HMGCLL1: variants seen among roughly 807,000 people sequenced by gnomAD.
HMGCLL1 encodes 3-hydroxy-3-methylglutaryl-CoA lyase like 1, also known as 3-hydroxymethyl-3-methylglutaryl-CoA lyase, cytoplasmic.
Under a neutral mutation model 39.1 loss-of-function variants are expected in HMGCLL1, and 36 were observed. The ratio of observed to expected loss-of-function variants is 0.92; its 90% confidence interval spans 0.71 to 1.22. HMGCLL1 has a LOEUF of 1.22. HMGCLL1 is among the 50% of genes most tolerant of loss of function. HMGCLL1 has a pLI of 0.00. For synonymous variants in HMGCLL1, 149 were observed against 144.0 expected, an observed-to-expected ratio of 1.03 and a Z score of -0.25; for missense variants, 451 against 416.5, an observed-to-expected ratio of 1.08 and a Z score of -0.72.
intron 7 of HMGCLL1, among the ~76,000 whole-genome samples, chr6:55,446,081 T>C (rs992824572): frequency 6.6e-6 from 1 of 151,880 alleles, no homozygotes; most frequent in African/African-American, 2.4e-5. Flanking sequence ...GGACTTGGAA[T>C]AAATAAAAGT....
chr6:55,620,622 G>T, the HMGCLL1 span, among the ~76,000 whole-genome samples: 2 of 146,534 alleles, frequency 1.4e-5, no homozygotes, highest in African/African-American at 4.9e-5. Context: ...TGCTTTTGGG[G>T]TGTTACACAC....
the HMGCLL1 span, among the ~76,000 whole-genome samples, chr6:55,671,635 A>C: frequency 6.6e-6 from 1 of 151,804 alleles, no homozygotes; most frequent in Admixed American, 6.6e-5. Context: ...TAAATGTTGG[A>C]GGTTCTATCA....
chr6:55,657,728 T>C, the HMGCLL1 span, among the ~76,000 whole-genome samples: 1 of 151,938 alleles, frequency 6.6e-6, no homozygotes, highest in Non-Finnish European at 1.5e-5. Flanking sequence ...TATGCAGCCA[T>C]AAAAAAGAAC....
intron 6 of HMGCLL1, 128 bp from the exon 7 acceptor site, chr6:55,495,735 T>C (rs1766542595): frequency 3.6e-6 from 2 of 552,954 alleles, no homozygotes. Context: ...GAAAAATATA[T>C]AATGTATTTT....
In HMGCLL1 at chr6:55,543,141, TTATATATTA is replaced by T. The variant is rs1400000369; in HGVS notation, c.109-1010_109-1002del. 2.0e-3 allele frequency among the ~76,000 whole-genome samples: 13 copies of T among 6,424 alleles called. 3 individuals carry two copies. The highest frequency in any genetic ancestry group is 3.0e-3 in the African/African-American group (7 of 2,328). The allele number at this position is 6,424 out of a possible 152,430, so 4.2% of individuals were successfully genotyped here. A position where few individuals can be genotyped will look rare whatever the true frequency, so the allele number is the denominator to read the frequency against. Reference sequence around the variant, plus strand: ...TAATATATATCATATATATGATATATTATATATTATATATATTATATATATAATATATAA... The same window carrying T: ...TAATATATATCATATATATGATATATTATATATTATATATATAATATATAA... On this transcript the variant is annotated intron_variant, in intron 1 of 8. Coordinates refer to ENST00000274901, the MANE Select transcript of HMGCLL1 (RefSeq NM_001042406.2).
chr6:55,587,393 G>T, the HMGCLL1 span, among the ~76,000 whole-genome samples: 1 of 151,954 alleles, frequency 6.6e-6, no homozygotes, highest in East Asian at 1.9e-4. Context: ...CACCAGGCCT[G>T]CCTTACAACA....
At chr6:55,643,106 G>A in the HMGCLL1 span, among the ~76,000 whole-genome samples, 1,522 of 152,004 alleles carry the variant, frequency 0.01, 24 homozygotes, top group African/African-American at 0.025. Context: ...GAACATACAC[G>A]TACATGTATC....
chr6:55,487,031 G>C (rs1766067550), intron 7 of HMGCLL1, among the ~76,000 whole-genome samples: 2 of 151,994 alleles, frequency 1.3e-5, no homozygotes, highest in Non-Finnish European at 2.9e-5. Flanking sequence ...TCACCTCCCA[G>C]AGGCCTCACC....
the HMGCLL1 span, among the ~76,000 whole-genome samples, chr6:55,664,425 A>G: frequency 6.6e-6 from 1 of 151,746 alleles, no homozygotes; most frequent in African/African-American, 2.4e-5. Flanking sequence ...TTGTTGAGGA[A>G]GCTTAGTTTG....
the HMGCLL1 span, among the ~76,000 whole-genome samples, chr6:55,658,219 ATCT>A: frequency 5.9e-5 from 9 of 151,898 alleles, no homozygotes; most frequent in Non-Finnish European, 1.5e-5. Flanking sequence ...TCTGGACTTA[ATCT>A]TCTCTTTTTG....
chr6:55,535,250 A>G (rs1055058325), intron 3 of HMGCLL1, among the ~76,000 whole-genome samples: 1 of 152,232 alleles, frequency 6.6e-6, no homozygotes, highest in Non-Finnish European at 1.5e-5. Flanking sequence ...AGCCTCATAT[A>G]TTTAGAAACA....
At chr6:55,492,664 T>A (rs891006260) in intron 7 of HMGCLL1, among the ~76,000 whole-genome samples, 2 of 152,206 alleles carry the variant, frequency 1.3e-5, no homozygotes, top group African/African-American at 4.8e-5. Flanking sequence ...TCTCAGTCAC[T>A]CATTTATAGT....
the HMGCLL1 span, among the ~76,000 whole-genome samples, chr6:55,653,111 A>G: frequency 1.3e-5 from 2 of 152,066 alleles, no homozygotes; most frequent in Non-Finnish European, 2.9e-5. Flanking sequence ...TCTAAATTCC[A>G]TATTATATCA....
chr6:55,490,114 G>T (rs757550157), intron 7 of HMGCLL1, among the ~76,000 whole-genome samples: 1 of 152,038 alleles, frequency 6.6e-6, no homozygotes, highest in Non-Finnish European at 1.5e-5. Flanking sequence ...ACTTCCCTGT[G>T]TATATCTGCA....
At chr6:55,441,959 C>T (rs796566070) in intron 7 of HMGCLL1, among the ~76,000 whole-genome samples, 12 of 152,028 alleles carry the variant, frequency 7.9e-5, no homozygotes, top group African/African-American at 2.9e-4. Context: ...CCAAAGTGCT[C>T]GTCATGTATT....
chr6:55,601,512 A>C, the HMGCLL1 span, among the ~76,000 whole-genome samples: 1 of 152,172 alleles, frequency 6.6e-6, no homozygotes. Context: ...ACAAGTCCCA[A>C]ATTTAATCTA....
intron 7 of HMGCLL1, among the ~76,000 whole-genome samples, chr6:55,493,455 T>C (rs1183941754): frequency 1.3e-5 from 2 of 152,166 alleles, no homozygotes; most frequent in South Asian, 2.1e-4. Flanking sequence ...ATGGCTGCTA[T>C]AAGATGGAAA....
intron 7 of HMGCLL1, among the ~76,000 whole-genome samples, chr6:55,482,208 T>C (rs1237608352): frequency 1.3e-5 from 2 of 152,140 alleles, no homozygotes; most frequent in African/African-American, 4.8e-5. Context: ...ATCACAATTA[T>C]TTTGAATTAA....
chr6:55,513,911 T>C (rs983915766), intron 5 of HMGCLL1, 137 bp downstream of exon 5: 36 of 723,964 alleles, frequency 5.0e-5, no homozygotes, highest in Non-Finnish European at 7.6e-5. Flanking sequence ...TATATAGTGA[T>C]TACCCTGATT....
Sources: gnomAD v4.1 joint callset for allele counts (sites outside exome capture counted in the v4.1 genomes callset) on GRCh38, gnomAD v4.1.1 for gene constraint, MANE v1.5 for transcripts, NCBI Gene and HGNC (gene_info 2026-07-23, HGNC 2026-07-21) for gene names.